Variants in OSBPL1A observed in about 807,000 individuals in gnomAD.
The protein encoded by OSBPL1A is oxysterol binding protein like 1A, also known as oxysterol-binding protein-related protein 1.
Under a neutral mutation model 137.1 loss-of-function variants are expected in OSBPL1A, and 80 were observed. That is an observed-to-expected ratio of 0.58 (90% confidence interval 0.49 to 0.70). The LOEUF (loss-of-function observed/expected upper bound fraction) is 0.70. OSBPL1A is among the 30% of genes least tolerant of loss of function. The pLI is 0.00. For synonymous variants in OSBPL1A, 365 were observed against 389.7 expected (o/e 0.94, Z 0.75); for missense variants, 970 against 1,129.4 (o/e 0.86, Z 2.02).
chr18:24,166,054 G>A (rs552543134), intron 26 of OSBPL1A, among the ~76,000 whole-genome samples: 2 of 152,188 alleles, frequency 1.3e-5, no homozygotes, highest in South Asian at 2.1e-4. Flanking sequence ...CCGAGATTGC[G>A]CCACTGCACT....
intron 1 of OSBPL1A, among the ~76,000 whole-genome samples, chr18:24,388,886 A>G (rs766441937): frequency 1.3e-5 from 2 of 151,992 alleles, no homozygotes; most frequent in Non-Finnish European, 2.9e-5. Flanking sequence ...GTTGATAACT[A>G]CTTTCTTAAT....
In OSBPL1A at chr18:24,347,208, G is replaced by C. The variant is rs972894405; in HGVS notation, c.283-5550C>G. 2.6e-5 allele frequency among the ~76,000 whole-genome samples: 4 copies of C among 151,932 alleles called. No individual in the cohort carries two copies. In the East Asian group the frequency reaches 7.8e-4, roughly 30 times the overall value. ...TTTTATTTTTTGAGACATGAGTCTT[G>C]TTCCGTCACCCAGGCTGGAGTGCTG... On this transcript the variant is annotated intron_variant, in intron 4 of 27. Coordinates refer to ENST00000319481, the MANE Select transcript of OSBPL1A (RefSeq NM_080597.4).
chr18:24,286,757 T>C (rs2090072243), intron 14 of OSBPL1A, among the ~76,000 whole-genome samples: 1 of 152,160 alleles, frequency 6.6e-6, no homozygotes, highest in South Asian at 2.1e-4. Flanking sequence ...TGAGGGAAGA[T>C]AGTTTCAGAA....
rs769171194 is a variant in OSBPL1A at position 24,239,360 on chromosome 18, T to C, written c.1304A>G (p.Gln435Arg). 1 of 1,613,948 alleles carries C rather than the reference T, an allele frequency of 6.2e-7. No individual in the cohort carries two copies. The highest frequency in any genetic ancestry group is 1.1e-5 in the South Asian group (1 of 91,074). ...CAAGATTTTGTTTTTTTCTTGCTCT[T>C]GTTCCAATTTAAAATTCCTCACCTA... ...QEGVRNFKLE[Q>R]EQEKNKILSE... The change falls in exon 16 of 28, where the codon CAA becomes CGA. Residue 435 changes from glutamine (Q) to arginine (R), a missense_variant. Physicochemically the swap from Gln to Arg is conservative, Grantham distance 43. Coordinates refer to ENST00000319481, the MANE Select transcript of OSBPL1A (RefSeq NM_080597.4).
At chr18:24,340,616 C>T (rs189991722) in intron 5 of OSBPL1A, among the ~76,000 whole-genome samples, 30 of 152,276 alleles carry the variant, frequency 2.0e-4, no homozygotes, top group African/African-American at 6.7e-4. Context: ...ACTAGCCTGA[C>T]CAACATGCTG....
chr18:24,294,239 G>A (rs965850918), intron 14 of OSBPL1A, among the ~76,000 whole-genome samples: 1 of 151,250 alleles, frequency 6.6e-6, no homozygotes, highest in African/African-American at 2.4e-5. Context: ...TTTGGTGGTG[G>A]TGTTGTTATT....
chr18:24,177,544 C>G (rs951886568), intron 21 of OSBPL1A, among the ~76,000 whole-genome samples: 1 of 152,132 alleles, frequency 6.6e-6, no homozygotes, highest in South Asian at 2.1e-4. Context: ...GATAGGGTAT[C>G]GTATGCTTAT....
In OSBPL1A at chr18:24,259,007, G is replaced by A. The variant is rs191876758; in HGVS notation, c.1282-19625C>T. Among the ~76,000 whole-genome samples, 1,298 of 141,470 alleles carry A rather than the reference G, an allele frequency of 9.2e-3. 14 individuals carry two copies. Among genetic ancestry groups the A allele is most frequent in the South Asian group, 0.042 (192 of 4,538 alleles). The allele number at this position is 141,470 out of a possible 152,430, so 92.8% of individuals were successfully genotyped here. A position where few individuals can be genotyped will look rare whatever the true frequency, so the allele number is the denominator to read the frequency against. ...GGCTGGAGTGCAGTGGCAGGATCTC[G>A]GCTCACTGTAAGCTCCACTTTCCGG... On this transcript the variant is annotated intron_variant, in intron 15 of 27. Coordinates refer to ENST00000319481, the MANE Select transcript of OSBPL1A (RefSeq NM_080597.4).
chr18:24,374,881 G>A (rs1014888623), intron 2 of OSBPL1A, among the ~76,000 whole-genome samples: 1 of 151,992 alleles, frequency 6.6e-6, no homozygotes, highest in African/African-American at 2.4e-5. Flanking sequence ...GGTGGCTGAG[G>A]ACCCAAAGCC....
intron 1 of OSBPL1A, among the ~76,000 whole-genome samples, chr18:24,379,866 G>A (rs1021481400): frequency 1.1e-4 from 17 of 151,988 alleles, no homozygotes; most frequent in African/African-American, 3.6e-4. Context: ...GCAAGACACC[G>A]TCTTAAAAAA....
chr18:24,255,564 C>G (rs192209311), intron 15 of OSBPL1A, among the ~76,000 whole-genome samples: 3 of 152,172 alleles, frequency 2.0e-5, no homozygotes, highest in Admixed American at 2.0e-4. Context: ...CTACCTATGA[C>G]CTGGAAGCCT....
intron 21 of OSBPL1A, among the ~76,000 whole-genome samples, chr18:24,176,003 TTGTCTA>T (rs753069644): frequency 1.3e-5 from 2 of 152,238 alleles, no homozygotes; most frequent in Non-Finnish European, 2.9e-5. Context: ...AATCTATACT[TTGTCTA>T]TAGTTTGGCC....
chr18:24,336,529 T>A (rs1231886743), intron 5 of OSBPL1A, among the ~76,000 whole-genome samples: 1 of 152,250 alleles, frequency 6.6e-6, no homozygotes, highest in African/African-American at 2.4e-5. Context: ...ACAGAAATCG[T>A]TCTAAAGGAG....
chr18:24,317,501 T>A lies in OSBPL1A; in HGVS notation c.733-101A>T, dbSNP rs2090758415. The A allele has an allele frequency of 2.8e-5, 26 of 914,110 alleles. No homozygotes were observed. In the Admixed American group the frequency reaches 5.1e-4, roughly 18 times the overall value. 56.6% of individuals were successfully genotyped at this position (914,110 alleles called of 1,614,324 possible). On this transcript the variant is annotated intron_variant, in intron 9 of 27. Coordinates refer to ENST00000319481, the MANE Select transcript of OSBPL1A (RefSeq NM_080597.4). ...GTGAGGACAGTCATATTTGAGTCTT[T>A]AGACAGTAGCACTGAACAGTAAAAA...
intron 11 of OSBPL1A, among the ~76,000 whole-genome samples, chr18:24,314,749 AAAG>A (rs1415211708): frequency 6.6e-6 from 1 of 152,180 alleles, no homozygotes; most frequent in Non-Finnish European, 1.5e-5. Context: ...TAATGTTGAT[AAAG>A]AAGGAGAAAA....
rs768669142 is a variant in OSBPL1A at position 24,172,535 on chromosome 18, TA to T, written c.2094-53del. ...CATAAGTGAGAGGTATCACTTTGTT[TA>T]AAAAGTACACTTGTTCCAAATGCCA... is the stretch of plus-strand genomic sequence containing the variant. On this transcript the variant is annotated intron_variant, in intron 21 of 27. Transcript: ENST00000319481. 12 of 1,296,544 alleles carry T rather than the reference TA, an allele frequency of 9.3e-6. No homozygotes were observed. In the South Asian group the frequency reaches 1.4e-4, roughly 15 times the overall value. 80.3% of individuals were successfully genotyped at this position (1,296,544 alleles called of 1,614,324 possible). A position where few individuals can be genotyped will look rare whatever the true frequency, so the allele number is the denominator to read the frequency against.
rs949838408 is a variant in OSBPL1A, at chr18:24,271,724, G to T, written c.1281+9118C>A. 34 of 985,040 alleles carry T rather than the reference G, an allele frequency of 3.5e-5. No homozygotes were observed. The highest frequency in any genetic ancestry group is 4.0e-5 in the Non-Finnish European group (33 of 829,818). 61.0% of individuals were successfully genotyped at this position (985,040 alleles called of 1,614,324 possible). A position where few individuals can be genotyped will look rare whatever the true frequency, so the allele number is the denominator to read the frequency against. On this transcript the variant is annotated intron_variant, in intron 15 of 27. Coordinates refer to ENST00000319481, the MANE Select transcript of OSBPL1A (RefSeq NM_080597.4). The surrounding 1 kb of genome is among the most constrained non-coding windows in gnomAD (Gnocchi z 4.0). The stretch of plus-strand genomic sequence containing the variant: ...CTGCTCCTCCTCCTCCCCTCCAGTC[G>T]AGCCGAGGCGAGCCGATCCGGGAGG...
chr18:24,230,598 A>G (rs2088240336), intron 16 of OSBPL1A, among the ~76,000 whole-genome samples: 1 of 152,158 alleles, frequency 6.6e-6, no homozygotes, highest in Admixed American at 6.5e-5. Flanking sequence ...TATTTTTTTA[A>G]TGCAGCAGAA....
chr18:24,393,429 G>A (rs1340287737), intron 1 of OSBPL1A, among the ~76,000 whole-genome samples: 2 of 152,240 alleles, frequency 1.3e-5, no homozygotes, highest in African/African-American at 2.4e-5. Flanking sequence ...ATAATGCAAC[G>A]TATTTTATTT....
Sources: allele counts gnomAD v4.1 joint callset (sites outside exome capture counted in the v4.1 genomes callset), GRCh38; gene constraint gnomAD v4.1.1; non-coding constraint Gnocchi (gnomAD v3.1); transcripts MANE v1.5; gene names NCBI Gene and HGNC (gene_info 2026-07-23, HGNC 2026-07-21).